The following GLI3 variants were observed in gnomAD, a reference collection of about 807,000 sequenced individuals.
GLI3 encodes the protein GLI family zinc finger 3.
A neutral mutation model predicts 100.8 loss-of-function variants in GLI3; 20 were observed. That is an observed-to-expected ratio of 0.20 (90% CI 0.14 to 0.29). The LOEUF (loss-of-function observed/expected upper bound fraction) is 0.29. Ranked by LOEUF, GLI3 falls within the 10% of genes least tolerant of loss-of-function variation. The probability of loss-of-function intolerance (pLI) is 1.00; values close to 1 mark genes in which losing one functional copy is unlikely to be tolerated. For missense variants in GLI3, 2,040 were observed against 2,128.5 expected, an observed-to-expected ratio of 0.96 and a Z score of 0.82; for synonymous variants, 938 against 860.5, an observed-to-expected ratio of 1.09 and a Z score of -1.58.
chr7:42,187,681 C>A (rs1427526261), intron 2 of GLI3, among the ~76,000 whole-genome samples: 3 of 152,070 alleles, frequency 2.0e-5, no homozygotes, highest in African/African-American at 7.2e-5. Context: ...TTAAGGTGAA[C>A]CCTAAATCCA....
chr7:42,163,265 G>A (rs1032534035), intron 2 of GLI3, among the ~76,000 whole-genome samples: 2 of 151,492 alleles, frequency 1.3e-5, no homozygotes, highest in Admixed American at 6.6e-5. Context: ...ACACCCCTCC[G>A]GACACTGCCA....
At chr7:42,069,827 T>C (rs1454434356) in intron 4 of GLI3, among the ~76,000 whole-genome samples, 1 of 152,196 alleles carries the variant, frequency 6.6e-6, no homozygotes. Context: ...TGTGTTCCAA[T>C]AAAACTTTAT....
At chr7:42,174,708 T>C (rs1440654294) in intron 2 of GLI3, among the ~76,000 whole-genome samples, 1 of 152,212 alleles carries the variant, frequency 6.6e-6, no homozygotes. Context: ...CAGTTCGTTT[T>C]TGATGAACTG....
intron 4 of GLI3, among the ~76,000 whole-genome samples, chr7:42,062,354 C>G (rs765762123): frequency 3.9e-5 from 6 of 152,144 alleles, no homozygotes; most frequent in Middle Eastern, 3.2e-3. Context: ...AATGAGAACT[C>G]TTTTCTTTTT....
chr7:42,187,781 G>T (rs1583632434), intron 2 of GLI3, among the ~76,000 whole-genome samples: 1 of 151,944 alleles, frequency 6.6e-6, no homozygotes, highest in Non-Finnish European at 1.5e-5. Flanking sequence ...GAGACCGGTG[G>T]ATCACAAGGT....
chr7:42,022,489 GAA>G (rs1788972272), intron 10 of GLI3, among the ~76,000 whole-genome samples: 1 of 152,104 alleles, frequency 6.6e-6, no homozygotes, highest in African/African-American at 2.4e-5. Flanking sequence ...AGTGGAGAGA[GAA>G]AGAGAAAAAG....
chr7:42,098,375 C>T (rs1320622580), intron 3 of GLI3, among the ~76,000 whole-genome samples: 1 of 152,044 alleles, frequency 6.6e-6, no homozygotes, highest in Non-Finnish European at 1.5e-5. Context: ...CAAAAAAAAA[C>T]CTCAGGGGCC....
At chr7:41,974,955 G>A (rs542883479) in intron 12 of GLI3, among the ~76,000 whole-genome samples, 4 of 152,214 alleles carry the variant, frequency 2.6e-5, no homozygotes, top group Non-Finnish European at 5.9e-5. Context: ...CAGGACTAGA[G>A]GGATGAGCTT....
At chr7:42,023,711 G>A (rs956529737) in intron 9 of GLI3, 103 bp from the exon 10 acceptor site, 16 of 1,086,316 alleles carry the variant, frequency 1.5e-5, no homozygotes, top group East Asian at 1.2e-4. Context: ...TTAGATTTGG[G>A]TCTAGGGTTT....
chr7:41,979,488 T>C (rs1787599519), intron 10 of GLI3, among the ~76,000 whole-genome samples: 1 of 152,230 alleles, frequency 6.6e-6, no homozygotes, highest in Admixed American at 6.5e-5. Flanking sequence ...AACATAAAGA[T>C]GAAGTTCTCT....
In GLI3 at chr7:42,023,363, A is replaced by G. The variant is rs538407148; in HGVS notation, c.1497+105T>C. The G allele has an allele frequency of 1.0e-4, 125 of 1,191,240 alleles. No individual in the cohort carries two copies. The Admixed American group carries it at 1.1e-3, about 10-fold the overall frequency. 73.8% of individuals were successfully genotyped at this position (1,191,240 alleles called of 1,614,324 possible). A position where few individuals can be genotyped will look rare whatever the true frequency, so the allele number is the denominator to read the frequency against. On this transcript the variant is annotated intron_variant, in intron 10 of 14. Transcript: ENST00000395925. ...GTCATAAAGCCCTCTCCAGTTCGCA[A>G]TGCGGCTCCTAAGAAACTTGACTCA...
intron 3 of GLI3, among the ~76,000 whole-genome samples, chr7:42,096,705 T>G (rs149784426): frequency 0.02 from 3,090 of 152,200 alleles, 41 homozygotes; most frequent in Non-Finnish European, 0.031. Context: ...AAGGAAGAGA[T>G]TCCAGAAGCC....
In GLI3 at chr7:42,131,627, T is replaced by C. The variant is rs140482421; in HGVS notation, c.367+16599A>G. Among the ~76,000 whole-genome samples the C allele has an allele frequency of 1.7e-3, 257 of 152,224 alleles. 2 individuals are homozygous for C. Among genetic ancestry groups the C allele is most frequent in the Non-Finnish European group, 2.2e-3 (147 of 68,024 alleles). On this transcript the variant is annotated intron_variant, in intron 3 of 14. Coordinates refer to ENST00000395925, the MANE Select transcript of GLI3 (RefSeq NM_000168.6). ...AAAAACATAGCAGATGTGGTTATGA[T>C]AGTAAGACCCCACAAACATATTAAC...
chr7:42,238,584 G>C (rs1196213777), upstream of GLI3, among the ~76,000 whole-genome samples: 1 of 152,198 alleles, frequency 6.6e-6, no homozygotes, highest in Admixed American at 6.5e-5. Flanking sequence ...CTTGGAGCCT[G>C]GTCTCTAACG....
At chr7:42,061,896 A>G (rs1011262168) in intron 4 of GLI3, among the ~76,000 whole-genome samples, 4 of 152,184 alleles carry the variant, frequency 2.6e-5, no homozygotes, top group African/African-American at 9.7e-5. Flanking sequence ...CTCAAGACGT[A>G]GAGAACAGCA....
At chr7:42,232,042 T>G (rs1160424217) in intron 1 of GLI3, among the ~76,000 whole-genome samples, 1 of 152,180 alleles carries the variant, frequency 6.6e-6, no homozygotes, top group Non-Finnish European at 1.5e-5. Flanking sequence ...TAATTTAATT[T>G]TGTGGCATAA....
Position 42,146,495 on chromosome 7 carries a change from A to G in GLI3, c.367+1731T>C, listed in dbSNP as rs530397744. ...GAAAGTTAACGGTTATCTGCTCACT[A>G]CTGTCAGCCAAAAAAGAAGTACTCT... On this transcript the variant is annotated intron_variant, in intron 3 of 14. Transcript: ENST00000395925. Among the ~76,000 whole-genome samples, 3 of 152,338 alleles carry G rather than the reference A, an allele frequency of 2.0e-5. No individual in the cohort carries two copies. In the South Asian group the frequency reaches 6.2e-4, roughly 32 times the overall value.
At chr7:42,029,976 G>A (rs1003579010) in intron 7 of GLI3, among the ~76,000 whole-genome samples, 1 of 152,198 alleles carries the variant, frequency 6.6e-6, no homozygotes, top group Non-Finnish European at 1.5e-5. Context: ...CCATTCTTCA[G>A]TGTCTATTAG....
chr7:41,972,553 C>T lies in GLI3; in HGVS notation c.1887G>A (p.Lys629=), dbSNP rs949765282. The change falls in exon 13 of 15, where the codon AAG becomes AAA. Residue 629 remains lysine (K), a synonymous_variant. Transcript: ENST00000395925. This position sits in a 1 kb window ranked among gnomAD's most constrained non-coding sequence, Gnocchi z 4.4. ...TDPSSLRKHV[K]TVHGPEAHVT... Reference sequence around the variant, plus strand: ...CATGAGCCTCTGGGCCATGCACTGTCTTCACATGTTTCCGGAGGGAGCTTG... The same window carrying T: ...CATGAGCCTCTGGGCCATGCACTGTTTTCACATGTTTCCGGAGGGAGCTTG... The T allele has an allele frequency of 3.7e-6, 6 of 1,612,232 alleles. No homozygotes were observed. Among genetic ancestry groups the T allele is most frequent in the Non-Finnish European group, 4.2e-6 (5 of 1,179,920 alleles).
Sources: gnomAD v4.1 joint callset for allele counts (sites outside exome capture counted in the v4.1 genomes callset) on GRCh38, gnomAD v4.1.1 for gene constraint, Gnocchi (gnomAD v3.1) non-coding constraint, MANE v1.5 for transcripts, NCBI Gene and HGNC (gene_info 2026-07-23, HGNC 2026-07-21) for gene names.